CSE1L: variants seen among roughly 807,000 people sequenced by gnomAD.
CSE1L encodes exportin-2.
In CSE1L, 24 loss-of-function variants were observed where a neutral mutation model predicts 120.4. That is an observed-to-expected ratio of 0.20 (90% CI 0.14 to 0.28). The LOEUF (loss-of-function observed/expected upper bound fraction) is 0.28, where lower values mean the gene tolerates loss of function less well. Among genes scored for constraint, CSE1L ranks in the 10% least tolerant of loss-of-function variants. CSE1L has a pLI of 1.00. For synonymous variants in CSE1L, 402 were observed against 398.3 expected (o/e 1.01, Z -0.11); for missense variants, 830 against 1,145.2 (o/e 0.72, Z 3.97).
At chr20:49,061,273 C>T (rs574642168) in intron 2 of CSE1L, among the ~76,000 whole-genome samples, 2 of 148,574 alleles carry the variant, frequency 1.3e-5, no homozygotes, top group African/African-American at 2.5e-5. Flanking sequence ...CCCGGGTCCA[C>T]GCCATTCTCC....
At chr20:49,094,440 T>C (rs2092124828) in intron 23 of CSE1L, among the ~76,000 whole-genome samples, 154 bp downstream of exon 23, 1 of 152,212 alleles carries the variant, frequency 6.6e-6, no homozygotes, top group South Asian at 2.1e-4. Flanking sequence ...TGGATCCTTC[T>C]GGGCTTAGAA....
At chr20:49,060,480 GA>G (rs144821911) in intron 2 of CSE1L, among the ~76,000 whole-genome samples, 115 of 125,918 alleles carry the variant, frequency 9.1e-4, no homozygotes, top group African/African-American at 3.3e-3. Flanking sequence ...CGTCTCAAAA[GA>G]AAAAAAAAAA....
intron 14 of CSE1L, among the ~76,000 whole-genome samples, chr20:49,080,174 G>A (rs1449340599): frequency 6.6e-6 from 1 of 152,058 alleles, no homozygotes; most frequent in African/African-American, 2.4e-5. Flanking sequence ...TTCCTTGGTC[G>A]GGGGTGACAC....
chr20:49,088,908 T>G (rs1180612415), intron 17 of CSE1L, among the ~76,000 whole-genome samples: 1 of 152,144 alleles, frequency 6.6e-6, no homozygotes, highest in African/African-American at 2.4e-5. Flanking sequence ...TGGGGGATTA[T>G]CAGTAAGTAG....
At chr20:49,086,211 G>A (rs1224952597) in intron 16 of CSE1L, among the ~76,000 whole-genome samples, 7 of 152,144 alleles carry the variant, frequency 4.6e-5, no homozygotes, top group African/African-American at 9.7e-5. Flanking sequence ...ACATTGGGTT[G>A]TAGGAAGCAC....
intron 6 of CSE1L, among the ~76,000 whole-genome samples, chr20:49,067,744 T>C (rs962550840): frequency 2.6e-5 from 4 of 151,748 alleles, no homozygotes; most frequent in African/African-American, 9.7e-5. Context: ...TTCTTTTTTC[T>C]TTTTTAAAGA....
intron 10 of CSE1L, 67 bp from the exon 11 acceptor site, chr20:49,074,718 C>A: frequency 7.5e-7 from 1 of 1,334,622 alleles, no homozygotes; most frequent in Non-Finnish European, 1.0e-6. Flanking sequence ...TACTCTTCTG[C>A]ATTCTCAGCT....
intron 6 of CSE1L, among the ~76,000 whole-genome samples, chr20:49,068,133 T>C (rs570605293): frequency 9.2e-5 from 14 of 152,234 alleles, no homozygotes; most frequent in Admixed American, 5.9e-4. Context: ...AATTGTTTAA[T>C]AAGAGCATAT....
chr20:49,088,146 T>C (rs1197499515), intron 17 of CSE1L, 40 bp downstream of exon 17: 1 of 1,398,778 alleles, frequency 7.1e-7, no homozygotes, highest in East Asian at 2.3e-5. Flanking sequence ...CCTTTTTTAT[T>C]TGCTCCAAAC....
At chr20:49,054,811 C>G (rs2091794211) in intron 1 of CSE1L, among the ~76,000 whole-genome samples, 1 of 152,206 alleles carries the variant, frequency 6.6e-6, no homozygotes, top group African/African-American at 2.4e-5. Flanking sequence ...CCTATATGAT[C>G]TGGTCTTGAT....
intron 1 of CSE1L, among the ~76,000 whole-genome samples, chr20:49,047,732 A>G (rs769752549): frequency 2.0e-5 from 3 of 150,580 alleles, no homozygotes; most frequent in Non-Finnish European, 3.0e-5. Flanking sequence ...CTGAGACTAC[A>G]CGCCACCACA....
chr20:49,064,661 T>C (rs1267106168), intron 3 of CSE1L, among the ~76,000 whole-genome samples: 5 of 152,110 alleles, frequency 3.3e-5, no homozygotes, highest in African/African-American at 1.2e-4. Context: ...TGCAATGAAC[T>C]GAGATGGTGC....
rs767928830 is a variant in CSE1L, at chr20:49,072,465, G to A, written c.936+12G>A. 2 of 1,611,550 alleles carry A rather than the reference G, an allele frequency of 1.2e-6. No individual in the cohort carries two copies. Among genetic ancestry groups the A allele is most frequent in the Non-Finnish European group, 1.7e-6 (2 of 1,177,950 alleles). ...TTAAATATGATTTGGTAAGATGATG[G>A]TGGAGACAAATAATTAAAAGACATT... On this transcript the variant is annotated intron_variant, in intron 9 of 24. Coordinates refer to ENST00000262982, the MANE Select transcript of CSE1L (RefSeq NM_001316.4).
chr20:49,076,837 G>A, intron 12 of CSE1L, 143 bp from the exon 13 acceptor site: 1 of 548,850 alleles, frequency 1.8e-6, no homozygotes, highest in South Asian at 2.4e-5. Context: ...AGCCAGTACA[G>A]TCTCATTTTA....
chr20:49,047,564 C>CTCTTTTCTTTTTTTTTTT (rs2091726745), intron 1 of CSE1L, among the ~76,000 whole-genome samples: 1 of 69,928 alleles, frequency 1.4e-5, no homozygotes, highest in African/African-American at 7.7e-5. Flanking sequence ...TTTCTCTTTT[C>CTCTTTTCTTTTTTTTTTT]TTTTTTTTTT....
At chr20:49,046,592 G>T (rs1450269957) in intron 1 of CSE1L, among the ~76,000 whole-genome samples, 169 bp downstream of exon 1, 1 of 152,204 alleles carries the variant, frequency 6.6e-6, no homozygotes, top group Non-Finnish European at 1.5e-5. Flanking sequence ...AAGGTCTTCG[G>T]CTTCCCTAGG....
intron 1 of CSE1L, among the ~76,000 whole-genome samples, chr20:49,057,965 C>T (rs775361865): frequency 1.3e-5 from 2 of 151,746 alleles, no homozygotes; most frequent in Non-Finnish European, 2.9e-5. Context: ...GAGATGGGGT[C>T]TCACCCTGTT....
chr20:49,078,085 T>C (rs922780882), intron 13 of CSE1L, among the ~76,000 whole-genome samples: 6 of 152,222 alleles, frequency 3.9e-5, no homozygotes, highest in Non-Finnish European at 5.9e-5. Context: ...AAAAAAAATA[T>C]TTTAATGTAG....
chr20:49,054,778 C>T (rs1023358848), intron 1 of CSE1L, among the ~76,000 whole-genome samples: 2 of 152,230 alleles, frequency 1.3e-5, no homozygotes, highest in Non-Finnish European at 2.9e-5. Context: ...AATCATGGCA[C>T]TCTTCAGCCA....
Sources: allele counts gnomAD v4.1 joint callset (sites outside exome capture counted in the v4.1 genomes callset), GRCh38; gene constraint gnomAD v4.1.1; transcripts MANE v1.5; gene names NCBI Gene and HGNC (gene_info 2026-07-23, HGNC 2026-07-21).